The following PIWIL3 variants were observed in gnomAD, a reference collection of about 807,000 sequenced individuals.
PIWIL3 encodes the protein piwi-like protein 3.
Under a neutral mutation model 109.7 loss-of-function variants are expected in PIWIL3, and 101 were observed. That is an observed-to-expected ratio of 0.92 (90% confidence interval 0.78 to 1.09). The LOEUF is 1.09. Ranked by LOEUF, PIWIL3 falls within the 50% of genes least tolerant of loss-of-function variation. The pLI is 0.00. For synonymous variants in PIWIL3, 373 were observed against 376.4 expected (o/e 0.99, Z 0.10); for missense variants, 1,031 against 1,072.6 (o/e 0.96, Z 0.54).
chr22:24,772,787 G>A (rs932818012), intron 1 of PIWIL3, among the ~76,000 whole-genome samples: 1 of 152,230 alleles, frequency 6.6e-6, no homozygotes, highest in African/African-American at 2.4e-5. Context: ...AATGACATCG[G>A]GAAGAGAAAG....
intron 18 of PIWIL3, among the ~76,000 whole-genome samples, chr22:24,724,064 G>A (rs932212309): frequency 1.3e-5 from 2 of 152,104 alleles, no homozygotes; most frequent in Non-Finnish European, 2.9e-5. Flanking sequence ...CTGGAACTTT[G>A]TGGTGGAAGC....
At chr22:24,755,940 A>G (rs1165866009) in intron 5 of PIWIL3, 35 bp from the exon 6 acceptor site, 1 of 1,595,036 alleles carries the variant, frequency 6.3e-7, no homozygotes, top group Middle Eastern at 1.7e-4. Context: ...AAAAGTCCAG[A>G]TATTCTTCCA....
chr22:24,726,432 A>G lies in PIWIL3; in HGVS notation c.2010-917T>C, dbSNP rs370072687. Among the ~76,000 whole-genome samples, 685 of 151,976 alleles carry G rather than the reference A, an allele frequency of 4.5e-3. 5 individuals are homozygous for G. Among genetic ancestry groups the G allele is most frequent in the African/African-American group, 0.015 (624 of 41,476 alleles). On this transcript the variant is annotated intron_variant, in intron 16 of 20. Coordinates refer to ENST00000616349, the MANE Select transcript of PIWIL3 (RefSeq NM_001255975.1). ...TAAGTAGCTGGGACTACAGGCGCCC[A>G]CCACCATGCCTGGCTAATTTTTGTA...
At position 24,745,289 on chromosome 22, in the gene PIWIL3, C is replaced by T. The variant is rs576489880; in HGVS notation, c.1449+3618G>A. On this transcript the variant is annotated intron_variant, in intron 12 of 20. Transcript: ENST00000616349. ...AGCAAAACTTCAAACCACCTAATGA[C>T]GCATCTTAAAGAATTAGAAATACAA... 1.1e-4 allele frequency among the ~76,000 whole-genome samples: 17 copies of T among 152,210 alleles called. No homozygotes were observed. In the South Asian group the frequency reaches 2.7e-3, roughly 24 times the overall value.
intron 12 of PIWIL3, among the ~76,000 whole-genome samples, chr22:24,740,262 C>A (rs1027780136): frequency 7.4e-6 from 1 of 135,354 alleles, no homozygotes; most frequent in Non-Finnish European, 1.6e-5. Flanking sequence ...AGAAATGAAA[C>A]GGGAGGCTGG....
At chr22:24,762,211 G>A in intron 2 of PIWIL3, 187 bp downstream of exon 2, 1 of 1,068,160 alleles carries the variant, frequency 9.4e-7, no homozygotes, top group Non-Finnish European at 1.2e-6. Flanking sequence ...GGAAGCAGTG[G>A]AGAGTACATC....
rs1924865684 is a variant in PIWIL3, at chr22:24,754,041, T to G, written c.950A>C (p.Lys317Thr). Residue 317 changes from lysine (K) to threonine (T), a missense_variant, in exon 8 of 21, where the codon AAA (lysine) becomes ACA (threonine). Physicochemically the swap from Lys to Thr is moderately conservative, Grantham distance 78. Coordinates refer to ENST00000616349, the MANE Select transcript of PIWIL3 (RefSeq NM_001255975.1). ...TGTCAGAACAATTGATCCAATTAAT[T>G]TATTAGTTACTTCCTCTCGGATGTT... is the stretch of plus-strand genomic sequence containing the variant. The part of the protein sequence containing the change: ...TGNIREEVTN[K>T]LIGSIVLTKY... 1 of 1,610,096 alleles carries G rather than the reference T, an allele frequency of 6.2e-7. No individual in the cohort carries two copies. The highest frequency in any genetic ancestry group is 1.1e-5 in the South Asian group (1 of 90,984).
intron 1 of PIWIL3, among the ~76,000 whole-genome samples, chr22:24,774,085 C>A (rs1050911025): frequency 6.6e-6 from 1 of 152,176 alleles, no homozygotes. Flanking sequence ...TGTAACCCAG[C>A]AGCTTAGCAG....
intron 1 of PIWIL3, among the ~76,000 whole-genome samples, chr22:24,770,734 C>A (rs1324736567): frequency 6.6e-6 from 1 of 150,978 alleles, no homozygotes; most frequent in Non-Finnish European, 1.5e-5. Flanking sequence ...ACTAGGGAGG[C>A]TGAGGCAGGA....
At chr22:24,746,348 A>G (rs1924367484) in intron 12 of PIWIL3, among the ~76,000 whole-genome samples, 2 of 152,230 alleles carry the variant, frequency 1.3e-5, no homozygotes, top group Non-Finnish European at 2.9e-5. Flanking sequence ...GATGCTGAGC[A>G]GCATTTATTA....
Position 24,724,159 on chromosome 22 carries a change from G to A in PIWIL3, c.2231+728C>T, listed in dbSNP as rs549894879. On this transcript the variant is annotated intron_variant, in intron 18 of 20. Coordinates refer to ENST00000616349, the MANE Select transcript of PIWIL3 (RefSeq NM_001255975.1). Reference sequence around the variant, plus strand: ...ATCAAAGCAGAAGGGTCTTCCCGGCGCTCCCCCACCCATCCACAAAAGCCA... The same window carrying A: ...ATCAAAGCAGAAGGGTCTTCCCGGCACTCCCCCACCCATCCACAAAAGCCA... Among the ~76,000 whole-genome samples, 165 of 152,116 alleles carry A rather than the reference G, an allele frequency of 1.1e-3. 1 individual carries two copies. The highest frequency in any genetic ancestry group is 3.7e-3 in the African/African-American group (152 of 41,516).
At chr22:24,771,678 T>C (rs1178393227) in intron 1 of PIWIL3, among the ~76,000 whole-genome samples, 3 of 152,156 alleles carry the variant, frequency 2.0e-5, no homozygotes, top group Non-Finnish European at 2.9e-5. Context: ...TCTATAATTT[T>C]TTATTTCCAA....
At chr22:24,728,930 GC>G (rs1257546243) in intron 14 of PIWIL3, among the ~76,000 whole-genome samples, 1 of 152,164 alleles carries the variant, frequency 6.6e-6, no homozygotes, top group Non-Finnish European at 1.5e-5. Context: ...AACAGTTAAG[GC>G]AGGTCCACAC....
intron 12 of PIWIL3, among the ~76,000 whole-genome samples, chr22:24,748,197 T>C (rs77439384): frequency 0.013 from 1,912 of 152,310 alleles, 50 homozygotes; most frequent in African/African-American, 0.042. Flanking sequence ...GAGCTTTACA[T>C]GTTCTCACTT....
At chr22:24,766,806 A>T (rs1027813729) in intron 1 of PIWIL3, among the ~76,000 whole-genome samples, 3 of 151,960 alleles carry the variant, frequency 2.0e-5, no homozygotes, top group African/African-American at 7.3e-5. Flanking sequence ...AGAAATCTGC[A>T]TGCGTTCTCA....
At chr22:24,727,732 T>C (rs182359500) in intron 16 of PIWIL3, among the ~76,000 whole-genome samples, 54 of 152,320 alleles carry the variant, frequency 3.5e-4, no homozygotes, top group Admixed American at 6.5e-4. Flanking sequence ...ACGTCTGTGG[T>C]ATTTTAGGCA....
At chr22:24,761,821 A>G in intron 2 of PIWIL3, 1 of 390,714 alleles carries the variant, frequency 2.6e-6, no homozygotes, top group Non-Finnish European at 3.5e-6. Flanking sequence ...GGAGGAATTG[A>G]GGTTGGAGGG....
At position 24,759,946 on chromosome 22, in the gene PIWIL3, T is replaced by C. The variant is rs1340738299; in HGVS notation, c.146A>G (p.Gln49Arg). The C allele has an allele frequency of 6.2e-7, 1 of 1,614,186 alleles. No homozygotes were observed. Reference protein sequence around the residue: ...PQLQSTPRPLQEEVPVVRPLQ... With the variant: ...PQLQSTPRPLREEVPVVRPLQ... ...AGGTCTAACCACTGGGACTTCCTCCTGCAGCGGCCGGGGTGTCGACTGCAA... is the reference window on the plus strand; with the variant it reads ...AGGTCTAACCACTGGGACTTCCTCCCGCAGCGGCCGGGGTGTCGACTGCAA... Residue 49 changes from glutamine (Q) to arginine (R), a missense_variant, in exon 3 of 21, where the codon CAG (glutamine) becomes CGG (arginine). Transcript: ENST00000616349.
chr22:24,754,180 C>T lies in PIWIL3; in HGVS notation c.811G>A (p.Val271Ile), dbSNP rs147428373. The T allele has an allele frequency of 6.1e-5, 99 of 1,614,008 alleles. No individual in the cohort carries two copies. In the African/African-American group the frequency reaches 9.6e-4, roughly 16 times the overall value. The change falls in exon 8 of 21, where the codon GTT becomes ATT. Residue 271 changes from valine (V) to isoleucine (I), a missense_variant. By Grantham distance (29) the Val-to-Ile change is conservative. Transcript: ENST00000616349. ...GTAATGCTGTTTTCGTATTGAAGAA[C>T]AGAAGTAACATAACCAAGCCAGATT... ...LEIWLGYVTS[V>I]LQYENSITLC...
Sources: allele counts gnomAD v4.1 joint callset (sites outside exome capture counted in the v4.1 genomes callset), GRCh38; gene constraint gnomAD v4.1.1; transcripts MANE v1.5; gene names NCBI Gene and HGNC (gene_info 2026-07-23, HGNC 2026-07-21).